HEATR3: variants seen among roughly 807,000 people sequenced by gnomAD.
HEATR3 encodes the protein HEAT repeat-containing protein 3.
A neutral mutation model predicts 72.8 loss-of-function variants in HEATR3; 56 were observed. That is an observed-to-expected ratio of 0.77 (90% CI 0.62 to 0.96). The LOEUF (loss-of-function observed/expected upper bound fraction) is 0.96. Ranked by LOEUF, HEATR3 falls within the 40% of genes least tolerant of loss-of-function variation. The probability of loss-of-function intolerance (pLI) is 0.00; values close to 1 mark genes in which losing one functional copy is unlikely to be tolerated. For synonymous variants in HEATR3, 331 were observed against 318.1 expected (o/e 1.04, Z -0.43); for missense variants, 747 against 831.4 (o/e 0.90, Z 1.25).
At position 50,106,311 on chromosome 16, in the gene HEATR3, A is replaced by T. The variant is rs753896255; in HGVS notation, c.*1250A>T. 6.6e-6 allele frequency: 1 copy of T among 152,188 alleles called. No individual in the cohort carries two copies. The highest frequency in any genetic ancestry group is 2.4e-5 in the African/African-American group (1 of 41,460). The allele number at this position is 152,188 out of a possible 1,614,324, so 9.4% of individuals were successfully genotyped here. A position where few individuals can be genotyped will look rare whatever the true frequency, so the allele number is the denominator to read the frequency against. Reference sequence around the variant, plus strand: ...GACTTTGATGAGTTATTGCTGTAACATCACTTCTTGATTTAATTTGATATG... The same window carrying T: ...GACTTTGATGAGTTATTGCTGTAACTTCACTTCTTGATTTAATTTGATATG... On this transcript the variant is annotated 3_prime_UTR_variant, in exon 15 of 15. Transcript: ENST00000299192.
In HEATR3 at chr16:50,077,104, G is replaced by C. The variant is rs186234950; in HGVS notation, c.763+1393G>C. ...TTAGCCAGGATGGTCTTGATCTCCT[G>C]ACCTTGTGATCCGCCCGCCTTGGCC... On this transcript the variant is annotated intron_variant, in intron 6 of 14. Transcript: ENST00000299192. Among the ~76,000 whole-genome samples the C allele has an allele frequency of 3.8e-3, 582 of 152,032 alleles. 3 individuals are homozygous for C. Among genetic ancestry groups the C allele is most frequent in the African/African-American group, 0.013 (555 of 41,470 alleles).
intron 11 of HEATR3, among the ~76,000 whole-genome samples, chr16:50,086,594 A>G (rs1235063834): frequency 1.3e-5 from 2 of 152,206 alleles, no homozygotes; most frequent in Admixed American, 6.5e-5. Context: ...CAGGCCAGTC[A>G]AGGCTGTATC....
At position 50,068,052 on chromosome 16, in the gene HEATR3, G is replaced by C. The variant is rs553872290; in HGVS notation, c.312-728G>C. 2.0e-5 allele frequency among the ~76,000 whole-genome samples: 3 copies of C among 152,136 alleles called. No individual in the cohort carries two copies. The East Asian group carries it at 5.8e-4, about 30-fold the overall frequency. ...AATGGGCATTCACCAGTTGATGGAG[G>C]GGGGATAGACGCTCTTCTTCCTTTA... On this transcript the variant is annotated intron_variant, in intron 2 of 14. Transcript: ENST00000299192.
chr16:50,091,612 C>T (rs550827728), intron 11 of HEATR3, among the ~76,000 whole-genome samples: 23 of 152,024 alleles, frequency 1.5e-4, no homozygotes, highest in Admixed American at 2.6e-4. Flanking sequence ...CGGTGGCTCA[C>T]GCCTGTAATC....
rs150374553 is a variant in HEATR3 at position 50,072,543 on chromosome 16, A to G, written c.513-62A>G. 1.8e-3 allele frequency: 1,828 copies of G among 1,039,932 alleles called. 14 individuals are homozygous for G. The African/African-American group carries it at 0.025, about 14-fold the overall frequency. The allele number at this position is 1,039,932 out of a possible 1,614,324, so 64.4% of individuals were successfully genotyped here. On this transcript the variant is annotated intron_variant, in intron 4 of 14. Transcript: ENST00000299192. ...CTCGTTTGTTTTTTTATGGATTGCT[A>G]TGGTTGATTTCCTACTGTTAAAATG...
intron 13 of HEATR3, among the ~76,000 whole-genome samples, chr16:50,101,105 G>A (rs959855866): frequency 1.5e-5 from 1 of 65,070 alleles, no homozygotes; most frequent in Non-Finnish European, 3.5e-5. Flanking sequence ...TACTTGCAAA[G>A]CTTTTTTTTT....
chr16:50,091,199 G>A (rs2037101790), intron 11 of HEATR3, among the ~76,000 whole-genome samples: 1 of 151,612 alleles, frequency 6.6e-6, no homozygotes, highest in Non-Finnish European at 1.5e-5. Context: ...GGGAGTGGTG[G>A]TTCACACCTG....
At chr16:50,099,847 C>T (rs1382898698) in intron 12 of HEATR3, among the ~76,000 whole-genome samples, 1 of 152,162 alleles carries the variant, frequency 6.6e-6, no homozygotes, top group African/African-American at 2.4e-5. Context: ...AAGTTCTTAC[C>T]TTGTATAGAC....
intron 7 of HEATR3, 65 bp from the exon 8 acceptor site, chr16:50,083,872 A>G (rs1171747760): frequency 1.4e-6 from 2 of 1,459,828 alleles, no homozygotes; most frequent in Non-Finnish European, 1.9e-6. Context: ...TCACTAAGGA[A>G]ATTCCCCAAA....
At chr16:50,070,131 T>C in intron 3 of HEATR3, 47 bp from the exon 4 acceptor site, 1 of 937,906 alleles carries the variant, frequency 1.1e-6, no homozygotes, top group East Asian at 2.6e-5. Flanking sequence ...CCTATTTGTT[T>C]AATTCTTCTT....
chr16:50,074,198 T>C (rs1052745653), intron 5 of HEATR3: 4 of 152,222 alleles, frequency 2.6e-5, no homozygotes, highest in Non-Finnish European at 5.9e-5. Context: ...TTATATAAAC[T>C]ACTTTTTTTC....
At chr16:50,083,493 G>A (rs2036916975) in intron 7 of HEATR3, among the ~76,000 whole-genome samples, 2 of 152,104 alleles carry the variant, frequency 1.3e-5, no homozygotes, top group African/African-American at 2.4e-5. Flanking sequence ...GTGTGTTAGC[G>A]CAGCCATTCC....
At chr16:50,076,908 G>A (rs1400268307) in intron 6 of HEATR3, among the ~76,000 whole-genome samples, 14 of 127,364 alleles carry the variant, frequency 1.1e-4, no homozygotes, top group South Asian at 5.0e-4. Context: ...TCGCTCTGCC[G>A]CCCAGGCTGG....
chr16:50,066,995 A>C, intron 2 of HEATR3: 1 of 156,486 alleles, frequency 6.4e-6, no homozygotes, highest in Admixed American at 6.5e-5. Flanking sequence ...AAAACATAAT[A>C]TTAAATAGTG....
At chr16:50,089,857 G>A (rs762477726) in intron 11 of HEATR3, among the ~76,000 whole-genome samples, 7 of 151,936 alleles carry the variant, frequency 4.6e-5, no homozygotes, top group Middle Eastern at 6.8e-3. Context: ...TTATAGAGAC[G>A]GGTTTCACCA....
chr16:50,094,689 C>T lies in HEATR3; in HGVS notation c.1511-16C>T. On this transcript the variant is annotated splice_polypyrimidine_tract_variant and intron_variant, in intron 11 of 14. Coordinates refer to ENST00000299192, the MANE Select transcript of HEATR3 (RefSeq NM_182922.4). ...TTGGAGAAATGCAAATTTTATATTT[C>T]ATTTTTGTGTTTTAGATTTTGCTAA... 1.4e-6 allele frequency: 2 copies of T among 1,463,930 alleles called. No homozygotes were observed. Among genetic ancestry groups the T allele is most frequent in the Non-Finnish European group, 1.8e-6 (2 of 1,091,858 alleles). 90.7% of individuals were successfully genotyped at this position (1,463,930 alleles called of 1,614,324 possible).
intron 11 of HEATR3, among the ~76,000 whole-genome samples, chr16:50,090,813 T>G (rs956745656): frequency 1.3e-5 from 2 of 152,196 alleles, no homozygotes; most frequent in African/African-American, 4.8e-5. Flanking sequence ...TATCCCATTG[T>G]GGGATATATT....
intron 5 of HEATR3, chr16:50,073,830 T>C (rs2036664593): frequency 6.6e-6 from 1 of 152,228 alleles, no homozygotes; most frequent in African/African-American, 2.4e-5. Flanking sequence ...CATTTTGCAT[T>C]GTATAATAGT....
intron 3 of HEATR3, among the ~76,000 whole-genome samples, chr16:50,069,899 A>G (rs923650186): frequency 6.6e-6 from 1 of 152,230 alleles, no homozygotes; most frequent in Non-Finnish European, 1.5e-5. Flanking sequence ...TGATACATGT[A>G]AAATGCTTAG....
Sources: gnomAD v4.1 joint callset for allele counts (sites outside exome capture counted in the v4.1 genomes callset) on GRCh38, gnomAD v4.1.1 for gene constraint, MANE v1.5 for transcripts, NCBI Gene and HGNC (gene_info 2026-07-23, HGNC 2026-07-21) for gene names.